MTAP: variants seen among roughly 807,000 people sequenced by gnomAD.
MTAP encodes methylthioadenosine phosphorylase.
MTAP carries 33 observed loss-of-function variants against 33.6 expected under a neutral mutation model. The ratio of observed to expected loss-of-function variants is 0.98; its 90% confidence interval spans 0.74 to 1.31. The LOEUF is 1.31. Among genes scored for constraint, MTAP ranks in the 40% most tolerant of loss-of-function variants. The pLI is 0.00. For synonymous variants in MTAP, 148 were observed against 125.7 expected (o/e 1.18, Z -1.19); for missense variants, 367 against 360.0 (o/e 1.02, Z -0.16).
rs189164473 is a variant in MTAP at position 21,846,095 on chromosome 9, A to G, written c.450+8085A>G. Among the ~76,000 whole-genome samples the G allele has an allele frequency of 4.6e-5, 7 of 152,348 alleles. No individual in the cohort carries two copies. In the East Asian group the frequency reaches 1.3e-3, roughly 29 times the overall value. On this transcript the variant is annotated intron_variant, in intron 5 of 7. Coordinates refer to ENST00000644715, the MANE Select transcript of MTAP (RefSeq NM_002451.4). ...GAATGAAACTGGATCTTCATCTCTC[A>G]TATAAAAATCAATGCAAGATGCATC...
intron 5 of MTAP, among the ~76,000 whole-genome samples, chr9:21,852,767 T>G (rs1288086534): frequency 2.0e-5 from 3 of 151,948 alleles, no homozygotes; most frequent in African/African-American, 7.2e-5. Context: ...TGGTTTTCCT[T>G]GTACTATTTA....
At chr9:21,856,790 C>T (rs1825653350) in intron 6 of MTAP, among the ~76,000 whole-genome samples, 1 of 152,162 alleles carries the variant, frequency 6.6e-6, no homozygotes. Flanking sequence ...TGTGTTGCAG[C>T]CTGGCATGGC....
chr9:21,924,322 G>A (rs1186284461), intron 1 of MTAP, among the ~76,000 whole-genome samples: 1 of 152,132 alleles, frequency 6.6e-6, no homozygotes, highest in Non-Finnish European at 1.5e-5. Context: ...CTCAAGAACT[G>A]AAAGTTTGAC....
chr9:21,939,055 G>A (rs1819090569), downstream of MTAP, among the ~76,000 whole-genome samples: 1 of 152,170 alleles, frequency 6.6e-6, no homozygotes, highest in South Asian at 2.1e-4. Context: ...GAATCATGGA[G>A]TCTGGTCTTT....
chr9:21,931,146 C>T, exon 2 of MTAP: 2 of 756,272 alleles, frequency 2.6e-6, no homozygotes, highest in Non-Finnish European at 4.8e-6. Context: ...TCCCTTAGAC[C>T]TGGCTGGATA....
chr9:21,859,537 T>C (rs1825711167), intron 7 of MTAP, 112 bp downstream of exon 7: 2 of 1,289,810 alleles, frequency 1.6e-6, no homozygotes, highest in African/African-American at 1.5e-5. Context: ...CTAGATGTTT[T>C]CAACAAGTTT....
intron 1 of MTAP, among the ~76,000 whole-genome samples, chr9:21,920,934 A>G (rs1326122905): frequency 6.6e-6 from 1 of 152,110 alleles, no homozygotes; most frequent in Non-Finnish European, 1.5e-5. Flanking sequence ...TTGTAGAAAG[A>G]GTTTGGAAGT....
At chr9:21,892,256 A>C (rs1318162337) in intron 1 of MTAP, 2 of 152,194 alleles carry the variant, frequency 1.3e-5, no homozygotes, top group African/African-American at 4.8e-5. Context: ...GACAGGAACA[A>C]ATCTGCACAT....
chr9:21,862,832 G>A lies in MTAP; in HGVS notation c.*818G>A. ...TAACCTTGTTATTGTATTTGGGGGA[G>A]GGATACTGGGATAATTTTTATTTTC... On this transcript the variant is annotated 3_prime_UTR_variant, in exon 8 of 8. Transcript: ENST00000644715. The A allele has an allele frequency of 2.1e-6, 1 of 479,510 alleles. No individual in the cohort carries two copies. Among genetic ancestry groups the A allele is most frequent in the Non-Finnish European group, 2.7e-6 (1 of 370,590 alleles). 29.7% of individuals were successfully genotyped at this position (479,510 alleles called of 1,614,324 possible).
At chr9:21,840,384 A>G (rs1326699579) in intron 5 of MTAP, among the ~76,000 whole-genome samples, 1 of 152,246 alleles carries the variant, frequency 6.6e-6, no homozygotes. Context: ...GAAGTGGCAC[A>G]CCACTGCAAA....
rs1825824978 is a variant in MTAP, at chr9:21,864,814, T to G, written c.*2800T>G. On this transcript the variant is annotated 3_prime_UTR_variant, in exon 8 of 8. Transcript: ENST00000644715. Reference sequence around the variant, plus strand: ...CTGCCCTGCAGGTGCCACGTGAGCCTGCTCTGGCATCCACAGGATGCTCCT... The same window carrying G: ...CTGCCCTGCAGGTGCCACGTGAGCCGGCTCTGGCATCCACAGGATGCTCCT... 2.0e-6 allele frequency: 2 copies of G among 985,516 alleles called. No homozygotes were observed. Among genetic ancestry groups the G allele is most frequent in the Non-Finnish European group, 2.4e-6 (2 of 829,976 alleles). 61.0% of individuals were successfully genotyped at this position (985,516 alleles called of 1,614,324 possible). A position where few individuals can be genotyped will look rare whatever the true frequency, so the allele number is the denominator to read the frequency against.
intron 1 of MTAP, among the ~76,000 whole-genome samples, chr9:21,885,536 C>A (rs1256574153): frequency 6.6e-6 from 1 of 152,068 alleles, no homozygotes; most frequent in Non-Finnish European, 1.5e-5. Flanking sequence ...AAGCAGTGTA[C>A]ACTGTACCCA....
At chr9:21,917,428 A>G (rs926094233) in intron 1 of MTAP, among the ~76,000 whole-genome samples, 1 of 152,200 alleles carries the variant, frequency 6.6e-6, no homozygotes, top group African/African-American at 2.4e-5. Context: ...AGGAAAAGAG[A>G]AGAAATCAGC....
At chr9:21,880,237 C>T (rs1448588583) in intron 1 of MTAP, among the ~76,000 whole-genome samples, 2 of 152,084 alleles carry the variant, frequency 1.3e-5, no homozygotes, top group African/African-American at 4.8e-5. Flanking sequence ...TCTGTCTCAC[C>T]ATGTGATGCC....
chr9:21,823,902 C>G (rs1439800195), intron 4 of MTAP, among the ~76,000 whole-genome samples: 4 of 152,214 alleles, frequency 2.6e-5, no homozygotes, highest in African/African-American at 9.6e-5. Flanking sequence ...ATGGAATCGG[C>G]TACTGAGGCT....
rs181597952 is a variant in MTAP at position 21,912,118 on chromosome 9, C to T, written c.148-18890C>T. Among the ~76,000 whole-genome samples, 1,454 of 152,246 alleles carry T rather than the reference C, an allele frequency of 9.6e-3. 11 individuals carry two copies. Among genetic ancestry groups the T allele is most frequent in the African/African-American group, 0.033 (1,388 of 41,532 alleles). On this transcript the variant is annotated intron_variant, in intron 1 of 1. Transcript: ENST00000577563. ...TCTCTGAATAGACCAATAACAGGCT[C>T]TGAAATTGAGGCAATAATTAATAGC... is the stretch of plus-strand genomic sequence containing the variant.
At chr9:21,921,321 G>T (rs1214641021) in intron 1 of MTAP, among the ~76,000 whole-genome samples, 1 of 151,776 alleles carries the variant, frequency 6.6e-6, no homozygotes, top group African/African-American at 2.4e-5. Flanking sequence ...TTAGGTAAAG[G>T]TTTGTTAATT....
intron 1 of MTAP, among the ~76,000 whole-genome samples, chr9:21,926,878 T>A (rs924025475): frequency 6.6e-5 from 10 of 152,128 alleles, no homozygotes; most frequent in Non-Finnish European, 1.5e-4. Context: ...GAACATAAGC[T>A]TTCTCCAGAA....
chr9:21,855,077 A>T (rs954741084), intron 6 of MTAP, among the ~76,000 whole-genome samples: 5 of 152,220 alleles, frequency 3.3e-5, no homozygotes, highest in Non-Finnish European at 7.3e-5. Flanking sequence ...ATCAGTAGTG[A>T]AAATAGTACA....
Sources: gnomAD v4.1 joint callset for allele counts (sites outside exome capture counted in the v4.1 genomes callset) on GRCh38, gnomAD v4.1.1 for gene constraint, MANE v1.5 for transcripts, NCBI Gene and HGNC (gene_info 2026-07-23, HGNC 2026-07-21) for gene names.